The following CPNE2 variants were observed in gnomAD, a reference collection of about 807,000 sequenced individuals.
CPNE2 encodes copine 2.
A neutral mutation model predicts 69.7 loss-of-function variants in CPNE2; 42 were observed. The ratio of observed to expected loss-of-function variants is 0.60; its 90% CI spans 0.47 to 0.78. The LOEUF (loss-of-function observed/expected upper bound fraction) is 0.78. Among genes scored for constraint, CPNE2 ranks in the 30% least tolerant of loss-of-function variants. The pLI is 0.00. For missense variants in CPNE2, 587 were observed against 732.0 expected (o/e 0.80, Z 2.29); for synonymous variants, 294 against 289.8 (o/e 1.01, Z -0.15).
rs377616115 is a variant in CPNE2 at position 57,147,709 on chromosome 16, G to T, written c.*51G>T. ...CAGCTGAGCCTCCTGCCCTCCCCCA[G>T]GAACATGCACGCTCACTCTGCTTCC... On this transcript the variant is annotated 3_prime_UTR_variant, in exon 16 of 16. Coordinates refer to ENST00000290776, the MANE Select transcript of CPNE2 (RefSeq NM_152727.6). 1.6e-6 allele frequency: 2 copies of T among 1,261,780 alleles called. No individual in the cohort carries two copies. Among genetic ancestry groups the T allele is most frequent in the Non-Finnish European group, 2.2e-6 (2 of 904,284 alleles). 78.2% of individuals were successfully genotyped at this position (1,261,780 alleles called of 1,614,324 possible). A position where few individuals can be genotyped will look rare whatever the true frequency, so the allele number is the denominator to read the frequency against.
intron 1 of CPNE2, among the ~76,000 whole-genome samples, chr16:57,105,627 G>A (rs117925393): frequency 0.032 from 4,794 of 152,184 alleles, 207 homozygotes; most frequent in East Asian, 0.21. Flanking sequence ...GCATAGCCCC[G>A]GGGTGCTCAG....
At chr16:57,119,303 C>A in intron 6 of CPNE2, 25 bp downstream of exon 6, 1 of 1,605,680 alleles carries the variant, frequency 6.2e-7, no homozygotes, top group Non-Finnish European at 8.5e-7. Context: ...GCCCAGGGAT[C>A]TCTAAGCAGT....
rs375301498 is a variant in CPNE2 at position 57,125,988 on chromosome 16, C to T, written c.1056C>T (p.Tyr352=). ...CTGTTGGGCAGATCATTCAGGACTA[C>T]GACAGGTAAGGTTGGAGAGGGGCTC... ...IWAVGQIIQD[Y]DSDKMFPALG... is the part of the protein sequence containing the mutation. The change falls in exon 11 of 16, where the codon TAC becomes TAT. Residue 352 remains tyrosine, a synonymous_variant. Coordinates refer to ENST00000290776, the MANE Select transcript of CPNE2 (RefSeq NM_152727.6). 3.7e-5 allele frequency: 59 copies of T among 1,613,936 alleles called. No homozygotes were observed. The highest frequency in any genetic ancestry group is 1.2e-4 in the South Asian group (11 of 91,072).
At position 57,134,793 on chromosome 16, in the gene CPNE2, A is replaced by G. The variant is rs1225934105; in HGVS notation, c.1135A>G (p.Ile379Val). 3 of 1,613,934 alleles carry G rather than the reference A, an allele frequency of 1.9e-6. No homozygotes were observed. Among genetic ancestry groups the G allele is most frequent in the South Asian group, 1.1e-5 (1 of 91,070 alleles). Reference sequence around the variant, plus strand: ...GTTTCAGGTCTCCCATGAGTTTGCCATCAACTTCAACCCCACCAACCCCTT... The same window carrying G: ...GTTTCAGGTCTCCCATGAGTTTGCCGTCAACTTCAACCCCACCAACCCCTT... ...PDWKVSHEFA[I>V]NFNPTNPFCS... The change falls in exon 13 of 16, where the codon ATC becomes GTC. Residue 379 changes from isoleucine (I) to valine (V), a missense_variant. By Grantham distance (29) the Ile-to-Val change is conservative. Coordinates refer to ENST00000290776, the MANE Select transcript of CPNE2 (RefSeq NM_152727.6).
chr16:57,124,620 A>G, intron 10 of CPNE2: 1 of 320,312 alleles, frequency 3.1e-6, no homozygotes, highest in South Asian at 2.4e-5. Context: ...TCTTTGCCCC[A>G]CAGACTCTGT....
intron 1 of CPNE2, among the ~76,000 whole-genome samples, chr16:57,102,845 G>A (rs867386217): frequency 5.9e-5 from 9 of 151,694 alleles, no homozygotes; most frequent in Admixed American, 1.3e-4. Flanking sequence ...CGGATGATCC[G>A]CCCGCCTCAG....
At chr16:57,116,334 C>T (rs558961070) in intron 4 of CPNE2, among the ~76,000 whole-genome samples, 1 of 152,128 alleles carries the variant, frequency 6.6e-6, no homozygotes, top group African/African-American at 2.4e-5. Context: ...TTCCTGCCCC[C>T]ACGGATCACC....
At chr16:57,115,631 A>G (rs1453488712) in intron 4 of CPNE2, 81 bp downstream of exon 4, 9 of 866,916 alleles carry the variant, frequency 1.0e-5, no homozygotes, top group Admixed American at 2.9e-5. Flanking sequence ...CTTCCCTGGC[A>G]GATAATCACC....
chr16:57,103,335 G>T (rs989862003), intron 1 of CPNE2, among the ~76,000 whole-genome samples: 1 of 141,726 alleles, frequency 7.1e-6, no homozygotes, highest in Non-Finnish European at 1.6e-5. Context: ...GTTGCCCCAG[G>T]CTGGCCTCAA....
intron 2 of CPNE2, 34 bp downstream of exon 2, chr16:57,110,956 G>A (rs199499337): frequency 3.6e-5 from 57 of 1,585,928 alleles, no homozygotes; most frequent in Non-Finnish European, 4.6e-5. Context: ...GGTGGGTAAG[G>A]GGGTGGCTAG....
At position 57,130,400 on chromosome 16, in the gene CPNE2, A is replaced by G. The variant is rs534235590; in HGVS notation, c.1116+2497A>G. Among the ~76,000 whole-genome samples the G allele has an allele frequency of 2.5e-4, 38 of 151,998 alleles. No homozygotes were observed. The South Asian group carries it at 7.9e-3, about 32-fold the overall frequency. On this transcript the variant is annotated intron_variant, in intron 12 of 15. Transcript: ENST00000290776. This position sits in a 1 kb window ranked among gnomAD's most constrained non-coding sequence, Gnocchi z 4.1. ...TTAATTAATTAAAATAAAAAAAGAGACAGCTGCATGAGAGAGCCAGGCAGA... is the reference window on the plus strand; with the variant it reads ...TTAATTAATTAAAATAAAAAAAGAGGCAGCTGCATGAGAGAGCCAGGCAGA...
In CPNE2 at chr16:57,114,934, C is replaced by CCAAAAA. The variant is rs1555546226; in HGVS notation, c.361-542_361-541insCAAAAA. 2.8e-4 allele frequency among the ~76,000 whole-genome samples: 11 copies of CCAAAAA among 39,064 alleles called. 1 individual carries two copies. The highest frequency in any genetic ancestry group is 6.8e-4 in the Admixed American group (2 of 2,958). The allele number at this position is 39,064 out of a possible 152,430, so 25.6% of individuals were successfully genotyped here. ...CAACATAATGAGCCCTTGTCTCTAC[C>CCAAAAA]AAAAAAAAAAAAAAAAAAAAAAAAA... On this transcript the variant is annotated intron_variant, in intron 3 of 15. Coordinates refer to ENST00000290776, the MANE Select transcript of CPNE2 (RefSeq NM_152727.6).
intron 12 of CPNE2, among the ~76,000 whole-genome samples, chr16:57,131,923 C>T (rs1013638631): frequency 1.6e-4 from 25 of 152,258 alleles, no homozygotes; most frequent in Non-Finnish European, 1.6e-4. Context: ...CTCACACTCA[C>T]ATGGGGGCCC....
chr16:57,125,388 G>A (rs2069793313), intron 10 of CPNE2: 3 of 455,842 alleles, frequency 6.6e-6, no homozygotes, highest in Non-Finnish European at 1.3e-5. Context: ...GGTGGTCTGA[G>A]GGATAATGGG....
In CPNE2 at chr16:57,113,255, A is replaced by T. The variant is rs751608212; in HGVS notation, c.181-33A>T. ...GCGAGGTCTTGGACCAGCTGCCTTG[A>T]CTCTGACTTCCATTTTCCTGCCCCT... On this transcript the variant is annotated intron_variant, in intron 2 of 15. Transcript: ENST00000290776. 4 of 1,605,548 alleles carry T rather than the reference A, an allele frequency of 2.5e-6. No homozygotes were observed. In the South Asian group the frequency reaches 4.4e-5, roughly 18 times the overall value.
intron 14 of CPNE2, 182 bp from the exon 15 acceptor site, chr16:57,145,903 G>T: frequency 1.6e-6 from 1 of 615,450 alleles, no homozygotes. Flanking sequence ...TAGAGCATGA[G>T]AGGCCTGCAG....
chr16:57,126,831 A>G (rs2069804458), intron 11 of CPNE2, among the ~76,000 whole-genome samples: 1 of 152,196 alleles, frequency 6.6e-6, no homozygotes, highest in Non-Finnish European at 1.5e-5. Context: ...CCAGCTGCCC[A>G]TTCAGCCCAT....
rs966842900 is a variant in CPNE2, at chr16:57,121,846, C to A, written c.867+86C>A. 8 of 1,304,840 alleles carry A rather than the reference C, an allele frequency of 6.1e-6. No individual in the cohort carries two copies. In the East Asian group the frequency reaches 9.2e-5, roughly 15 times the overall value. The allele number at this position is 1,304,840 out of a possible 1,614,324, so 80.8% of individuals were successfully genotyped here. A position where few individuals can be genotyped will look rare whatever the true frequency, so the allele number is the denominator to read the frequency against. ...GACAGAGCACTGGATCTGGAGCCAG[C>A]GAGGCCTGTGTTCAAATCCCGGCTC... On this transcript the variant is annotated intron_variant, in intron 9 of 15. Coordinates refer to ENST00000290776, the MANE Select transcript of CPNE2 (RefSeq NM_152727.6).
At chr16:57,140,470 A>G (rs2069913461) in intron 14 of CPNE2, among the ~76,000 whole-genome samples, 1 of 147,974 alleles carries the variant, frequency 6.8e-6, no homozygotes, top group African/African-American at 2.5e-5. Flanking sequence ...CTGCACCCAC[A>G]CCCATTTCCT....
Sources: gnomAD v4.1 joint callset for allele counts (sites outside exome capture counted in the v4.1 genomes callset) on GRCh38, gnomAD v4.1.1 for gene constraint, Gnocchi (gnomAD v3.1) non-coding constraint, MANE v1.5 for transcripts, NCBI Gene and HGNC (gene_info 2026-07-23, HGNC 2026-07-21) for gene names.